Variants in KIAA0753 observed in about 807,000 individuals in gnomAD.
The protein encoded by KIAA0753 is KIAA0753, also known as protein moonraker.
A neutral mutation model predicts 116.9 loss-of-function variants in KIAA0753; 114 were observed. The observed-to-expected ratio is 0.98, with a 90% confidence interval of 0.84 to 1.14. KIAA0753 has a LOEUF of 1.14. Among genes scored for constraint, KIAA0753 ranks in the 50% most tolerant of loss-of-function variants. The pLI is 0.00. For synonymous variants in KIAA0753, 405 were observed against 413.1 expected (o/e 0.98, Z 0.24); for missense variants, 1,156 against 1,172.4 (o/e 0.99, Z 0.20).
chr17:6,615,580 A>T (rs892175630), intron 7 of KIAA0753, among the ~76,000 whole-genome samples: 2 of 125,928 alleles, frequency 1.6e-5, no homozygotes, highest in African/African-American at 6.0e-5. Flanking sequence ...ATGCCATTAC[A>T]CTCCAGCCTG....
At chr17:6,632,010 G>A (rs1447978391) in intron 2 of KIAA0753, among the ~76,000 whole-genome samples, 3 of 152,284 alleles carry the variant, frequency 2.0e-5, no homozygotes, top group East Asian at 3.9e-4. Flanking sequence ...GGCCTCCCAA[G>A]TAGCTGAGAT....
At chr17:6,636,136 C>A (rs1411715291) in intron 1 of KIAA0753, 5 of 151,944 alleles carry the variant, frequency 3.3e-5, no homozygotes, top group South Asian at 2.1e-4. Context: ...TTAAAAAAAA[C>A]CCTAATTTAA....
chr17:6,639,032 C>A lies in KIAA0753; in HGVS notation c.-69+1605G>T. 6.5e-6 allele frequency: 1 copy of A among 153,234 alleles called. No homozygotes were observed. Among genetic ancestry groups the A allele is most frequent in the Non-Finnish European group, 1.5e-5 (1 of 68,866 alleles). 9.5% of individuals were successfully genotyped at this position (153,234 alleles called of 1,614,324 possible). On this transcript the variant is annotated intron_variant, in intron 1 of 18. Coordinates refer to ENST00000361413, the MANE Select transcript of KIAA0753 (RefSeq NM_014804.3). This position sits in a 1 kb window ranked among gnomAD's most constrained non-coding sequence, Gnocchi z 4.3. ...CCCCTTTCCCTGAACCCTGGGTCAC[C>A]TCCACATCTAGTTTCCTCTTCAGCA...
chr17:6,631,134 A>T (rs8064329), intron 2 of KIAA0753, among the ~76,000 whole-genome samples: 54,322 of 152,134 alleles, frequency 0.36, 10,381 homozygotes, highest in Non-Finnish European at 0.43. Flanking sequence ...GAAGGAAAAA[A>T]AAATCCATAA....
At chr17:6,625,073 A>T (rs982753530) in intron 3 of KIAA0753, among the ~76,000 whole-genome samples, 1 of 152,234 alleles carries the variant, frequency 6.6e-6, no homozygotes, top group Non-Finnish European at 1.5e-5. Flanking sequence ...TGGAAGGGAC[A>T]TAAAGACATT....
At position 6,622,955 on chromosome 17, in the gene KIAA0753, G is replaced by A; in HGVS notation, c.1031C>T (p.Ser344Leu). The change falls in exon 6 of 19, where the codon TCA (serine) becomes TTA (leucine). Residue 344 changes from serine (S) to leucine (L), a missense_variant. Transcript: ENST00000361413. Reference protein sequence around the residue: ...KELGSLIRQLSLCSVKLDADP... With the variant: ...KELGSLIRQLLLCSVKLDADP... ...TGCATCCAGCTTGACAGAACAAAGT[G>A]AAAGCTGGCGAATAAGGCTGCCCAG... 1.9e-6 allele frequency: 3 copies of A among 1,614,168 alleles called. No homozygotes were observed. Among genetic ancestry groups the A allele is most frequent in the Non-Finnish European group, 2.5e-6 (3 of 1,180,014 alleles).
At chr17:6,636,093 T>C (rs1251464152) in intron 1 of KIAA0753, 1 of 152,180 alleles carries the variant, frequency 6.6e-6, no homozygotes, top group Non-Finnish European at 1.5e-5. Flanking sequence ...CAAAAAATCC[T>C]ACAGTAAATC....
chr17:6,624,722 T>C (rs373718475), intron 4 of KIAA0753, 33 bp downstream of exon 4: 1 of 1,403,620 alleles, frequency 7.1e-7, no homozygotes, highest in Admixed American at 2.0e-5. Context: ...TACACAAGGC[T>C]GACTGCCCTA....
chr17:6,634,001 G>C (rs1325947693), intron 2 of KIAA0753, among the ~76,000 whole-genome samples: 1 of 151,152 alleles, frequency 6.6e-6, no homozygotes, highest in Non-Finnish European at 1.5e-5. Context: ...CTCAGCAAAT[G>C]TGAAAAGATG....
Position 6,608,433 on chromosome 17 carries a change from TG to T in KIAA0753, c.1743del (p.Arg582GlufsTer19). 6.4e-7 allele frequency: 1 copy of T among 1,563,168 alleles called. No individual in the cohort carries two copies. The highest frequency in any genetic ancestry group is 8.7e-7 in the Non-Finnish European group (1 of 1,150,100). On this transcript the variant is annotated frameshift_variant, in exon 10 of 19. Coordinates refer to ENST00000361413, the MANE Select transcript of KIAA0753 (RefSeq NM_014804.3). LOFTEE classifies it high-confidence loss of function. ...TGGAGAGGCTCTTTTGTGGCATCTC[TG>T]GGGCTAGTTTTCACCTTTAGCCATG... The part of the protein sequence containing the change: ...CAAWLKVKTS[P>X]RDATKEPLQQ...
In KIAA0753 at chr17:6,589,966, C is replaced by T. The variant is rs1968878018; in HGVS notation, c.2599G>A (p.Glu867Lys). The change falls in exon 18 of 19, where the codon GAG becomes AAG. Residue 867 changes from glutamate (E) to lysine (K), a missense_variant. Physicochemically the swap from Glu to Lys is moderately conservative, Grantham distance 56 (BLOSUM62 1). Coordinates refer to ENST00000361413, the MANE Select transcript of KIAA0753 (RefSeq NM_014804.3). Reference protein sequence around the residue: ...DESVGTEEGSEKREAPLLSLA... With the variant: ...DESVGTEEGSKKREAPLLSLA... ...GAGAGAAGAGGGGCCTCTCTTTTCT[C>T]TGATCCTTCCTCTGTTCCCACACTT... 3 of 1,593,160 alleles carry T rather than the reference C, an allele frequency of 1.9e-6. No homozygotes were observed. The highest frequency in any genetic ancestry group is 1.4e-5 in the African/African-American group (1 of 73,450).
At position 6,608,449 on chromosome 17, in the gene KIAA0753, C is replaced by G. The variant is rs1970327294; in HGVS notation, c.1728G>C (p.Lys576Asn). 1 of 1,548,750 alleles carries G rather than the reference C, an allele frequency of 6.5e-7. No homozygotes were observed. The change falls in exon 10 of 19, where the codon AAG becomes AAC. Residue 576 changes from lysine to asparagine, a missense_variant. Transcript: ENST00000361413. Reference sequence around the variant, plus strand: ...TGGCATCTCTGGGGCTAGTTTTCACCTTTAGCCATGCAGCACTGAAATAAA... The same window carrying G: ...TGGCATCTCTGGGGCTAGTTTTCACGTTTAGCCATGCAGCACTGAAATAAA... ...PASPKCAAWL[K>N]VKTSPRDATK... is the part of the protein sequence containing the mutation.
At position 6,583,625 on chromosome 17, in the gene KIAA0753, A is replaced by G. The variant is rs115861199; in HGVS notation, c.2787-3761T>C. ...TCTAATATTTTCTTCTGTTGTGTCT[A>G]ATTTGCTATTGAGCCCAACCAATGA... On this transcript the variant is annotated intron_variant, in intron 18 of 18. Transcript: ENST00000361413. 7.7e-3 allele frequency among the ~76,000 whole-genome samples: 1,168 copies of G among 152,056 alleles called. 12 individuals are homozygous for G. The highest frequency in any genetic ancestry group is 0.026 in the African/African-American group (1,067 of 41,450).
intron 12 of KIAA0753, among the ~76,000 whole-genome samples, chr17:6,603,167 A>G (rs1375437749): frequency 1.3e-5 from 2 of 152,190 alleles, no homozygotes; most frequent in Non-Finnish European, 2.9e-5. Flanking sequence ...GAGGGAAAAA[A>G]GAAAATAGGA....
intron 13 of KIAA0753, among the ~76,000 whole-genome samples, 193 bp from the exon 14 acceptor site, chr17:6,599,513 T>C (rs1220088239): frequency 6.6e-6 from 1 of 151,462 alleles, no homozygotes; most frequent in Non-Finnish European, 1.5e-5. Context: ...CTTTCCAGCC[T>C]TTTTCTTCCC....
At chr17:6,628,778 A>G in intron 2 of KIAA0753, 37 bp from the exon 3 acceptor site, 1 of 1,540,134 alleles carries the variant, frequency 6.5e-7, no homozygotes, top group Non-Finnish European at 8.7e-7. Flanking sequence ...GACATCAGAA[A>G]AATTTCATAT....
rs142494209 is a variant in KIAA0753, at chr17:6,587,428, C to G, written c.2786+2351G>C. Among the ~76,000 whole-genome samples the G allele has an allele frequency of 4.1e-4, 63 of 152,266 alleles. 1 individual carries two copies. In the East Asian group the frequency reaches 0.012, roughly 29 times the overall value. On this transcript the variant is annotated intron_variant, in intron 18 of 18. Transcript: ENST00000361413. ...GCTGAGAGATTTTCCCTACATCCAC[C>G]TAACAACTGTGAACAAAATGTGTCA...
At chr17:6,595,848 C>T (rs1969431103) in intron 15 of KIAA0753, among the ~76,000 whole-genome samples, 1 of 152,224 alleles carries the variant, frequency 6.6e-6, no homozygotes, top group Non-Finnish European at 1.5e-5. Flanking sequence ...CACTTGTGGG[C>T]CCAGGCCCTG....
rs7219352 is a variant in KIAA0753 at position 6,621,753 on chromosome 17, G to A, written c.1105-755C>T. Among the ~76,000 whole-genome samples, 1,470 of 152,292 alleles carry A rather than the reference G, an allele frequency of 9.7e-3. 29 individuals are homozygous for A. The highest frequency in any genetic ancestry group is 0.033 in the African/African-American group (1,382 of 41,560). ...CTCAAAATGTAGGAGAGGGACTAGA[G>A]AGTTTCTTCAGATCCTTTATAGGAT... On this transcript the variant is annotated intron_variant, in intron 6 of 18. Transcript: ENST00000361413.
Sources: allele counts gnomAD v4.1 joint callset (sites outside exome capture counted in the v4.1 genomes callset), GRCh38; gene constraint gnomAD v4.1.1; non-coding constraint Gnocchi (gnomAD v3.1); transcripts MANE v1.5; gene names NCBI Gene and HGNC (gene_info 2026-07-23, HGNC 2026-07-21).